The following FAM83E variants were observed in gnomAD, a reference collection of about 807,000 sequenced individuals.
The protein encoded by FAM83E is protein FAM83E.
FAM83E carries 29 observed loss-of-function variants against 34.3 expected under a neutral mutation model. That is an observed-to-expected ratio of 0.85 (90% CI 0.63 to 1.15). FAM83E has a LOEUF of 1.15. Ranked by LOEUF, FAM83E falls within the 50% of genes most tolerant of loss-of-function variation. The pLI is 0.00. For synonymous variants in FAM83E, 312 were observed against 311.6 expected (o/e 1.00, Z -0.01); for missense variants, 697 against 685.0 (o/e 1.02, Z -0.20).
Position 48,613,276 on chromosome 19 carries a change from G to C in FAM83E, c.97C>G (p.Leu33Val). 6.2e-7 allele frequency: 1 copy of C among 1,609,386 alleles called. No individual in the cohort carries two copies. Among genetic ancestry groups the C allele is most frequent in the Non-Finnish European group, 8.5e-7 (1 of 1,179,634 alleles). Reference protein sequence around the residue: ...PGFLYSEGQRLALEALLSKGA... With the variant: ...PGFLYSEGQRVALEALLSKGA... ...TTGCTCAACAGAGCCTCCAGTGCCA[G>C]CCGCTGGCCCTCGGAATATAGAAAG... Residue 33 changes from leucine (L) to valine (V), a missense_variant, in exon 3 of 7, where the codon CTG (leucine) becomes GTG (valine). Physicochemically the swap from Leu to Val is conservative, Grantham distance 32 (BLOSUM62 1). Transcript: ENST00000263266.
At chr19:48,605,870 T>A (rs1973919072) in intron 5 of FAM83E, among the ~76,000 whole-genome samples, 2 of 151,782 alleles carry the variant, frequency 1.3e-5, no homozygotes, top group African/African-American at 4.8e-5. Flanking sequence ...AAATAAAAAA[T>A]AAAATTAAGA....
intron 5 of FAM83E, chr19:48,606,810 G>A (rs141018754): frequency 3.8e-4 from 295 of 766,476 alleles, no homozygotes; most frequent in Non-Finnish European, 4.6e-4. Context: ...TTAGAGGGAC[G>A]CAGGGCGTTG....
intron 6 of FAM83E, among the ~76,000 whole-genome samples, chr19:48,602,699 AAAAAAATAT>A (rs1161208302): frequency 1.2e-4 from 5 of 40,352 alleles, no homozygotes; most frequent in African/African-American, 4.7e-4. Context: ...AAAAAAAAAA[AAAAAAATAT>A]ATATATATAT....
At position 48,603,560 on chromosome 19, in the gene FAM83E, G is replaced by C; in HGVS notation, c.1110C>G (p.Pro370=). Residue 370 remains proline, a synonymous_variant, in exon 6 of 7, where the codon CCC becomes CCG. Coordinates refer to ENST00000263266, the MANE Select transcript of FAM83E (RefSeq NM_017708.4). ...GGCTTAGGTCCCACATGGAGCGGCT[G>C]GGCCGGGCCGGGGGGCCGCTGGGGG... The part of the protein sequence containing the change: ...ARTPSGPPAR[P]SRSMWDLSRL... 1 of 1,560,900 alleles carries C rather than the reference G, an allele frequency of 6.4e-7. No individual in the cohort carries two copies. Among genetic ancestry groups the C allele is most frequent in the Non-Finnish European group, 8.6e-7 (1 of 1,162,126 alleles).
intron 6 of FAM83E, among the ~76,000 whole-genome samples, chr19:48,602,125 G>C (rs1044250384): frequency 5.2e-5 from 6 of 114,766 alleles, no homozygotes; most frequent in African/African-American, 2.0e-4. Context: ...CTGGGAGACA[G>C]AGCGAGACCC....
intron 5 of FAM83E, 42 bp from the exon 6 acceptor site, chr19:48,603,953 GGGCCCAGCCC>G (rs1394390302): frequency 1.9e-6 from 3 of 1,570,844 alleles, no homozygotes; most frequent in Non-Finnish European, 1.7e-6. Context: ...CCAACCCTGA[GGGCCCAGCCC>G]GGCCCCCATC....
Position 48,613,384 on chromosome 19 carries a change from G to A in FAM83E, c.-12C>T. On this transcript the variant is annotated 5_prime_UTR_variant, in exon 3 of 7. Coordinates refer to ENST00000263266, the MANE Select transcript of FAM83E (RefSeq NM_017708.4). ...TGGGAGGCCGCCATCGGGGTCACTC[G>A]GGTGGGAGGACTGACTGTGAGAGGC... 4.6e-6 allele frequency: 7 copies of A among 1,530,704 alleles called. No individual in the cohort carries two copies. Among genetic ancestry groups the A allele is most frequent in the East Asian group, 2.4e-5 (1 of 42,220 alleles). 94.8% of individuals were successfully genotyped at this position (1,530,704 alleles called of 1,614,324 possible).
Position 48,613,127 on chromosome 19 carries a change from G to A in FAM83E, c.246C>T (p.Ser82=), listed in dbSNP as rs764783136. 6 of 1,611,400 alleles carry A rather than the reference G, an allele frequency of 3.7e-6. No individual in the cohort carries two copies. The highest frequency in any genetic ancestry group is 2.7e-5 in the African/African-American group (2 of 74,932). Residue 82 remains serine, a synonymous_variant, in exon 3 of 7, where the codon AGC becomes AGT. Transcript: ENST00000263266. ...EDWTVAKQEP[S]GMAEGATTTD... is the part of the protein sequence containing the mutation. The stretch of plus-strand genomic sequence containing the variant: ...TGGTGGTGGCTCCCTCTGCCATCCC[G>A]CTGGGCTCCTGCTTGGCCACTGTCC...
At chr19:48,612,529 C>T (rs7253314) in intron 3 of FAM83E, among the ~76,000 whole-genome samples, 1 of 151,900 alleles carries the variant, frequency 6.6e-6, no homozygotes. Flanking sequence ...CTCAGCCTCC[C>T]GAGTAGCTGG....
chr19:48,612,919 C>T lies in FAM83E; in HGVS notation c.454G>A (p.Ala152Thr), dbSNP rs918759380. ...CCCGCGACACCCACCTTGTGGGCAGCCTGGATCTCCAGCCGCACCAGCTCC... is the reference window on the plus strand; with the variant it reads ...CCCGCGACACCCACCTTGTGGGCAGTCTGGATCTCCAGCCGCACCAGCTCC... ...LKELVRLEIQ[A>T]AHKLVAVVMD... Residue 152 changes from alanine to threonine, a missense_variant, in exon 3 of 7, where the codon GCT becomes ACT. Transcript: ENST00000263266. The T allele has an allele frequency of 4.3e-5, 67 of 1,550,832 alleles. No individual in the cohort carries two copies. The highest frequency in any genetic ancestry group is 5.4e-5 in the Non-Finnish European group (62 of 1,144,386).
At chr19:48,610,639 G>C in intron 4 of FAM83E, 41 bp downstream of exon 4, 1 of 1,537,254 alleles carries the variant, frequency 6.5e-7, no homozygotes, top group Non-Finnish European at 8.8e-7. Flanking sequence ...CCCCATGCCA[G>C]GGGAATGGGG....
intron 5 of FAM83E, among the ~76,000 whole-genome samples, chr19:48,604,729 A>C (rs1353463875): frequency 5.6e-5 from 5 of 88,500 alleles, no homozygotes; most frequent in East Asian, 4.7e-4. Flanking sequence ...CCCCCCTCCC[A>C]AAAAAAAAAA....
At chr19:48,609,804 T>C in intron 5 of FAM83E, 72 bp downstream of exon 5, 1 of 1,510,196 alleles carries the variant, frequency 6.6e-7, no homozygotes, top group Middle Eastern at 2.2e-4. Flanking sequence ...GGATGCCAGC[T>C]GTTCTCTGAG....
rs1344736408 is a variant in FAM83E, at chr19:48,614,692, C to T, written c.-1256+16G>A. The T allele has an allele frequency of 1.1e-5, 11 of 985,476 alleles. No individual in the cohort carries two copies. Among genetic ancestry groups the T allele is most frequent in the Non-Finnish European group, 1.3e-5 (11 of 830,136 alleles). 61.0% of individuals were successfully genotyped at this position (985,476 alleles called of 1,614,324 possible). On this transcript the variant is annotated intron_variant, in intron 2 of 6. Coordinates refer to ENST00000263266, the MANE Select transcript of FAM83E (RefSeq NM_017708.4). ...CCGCCCCACCCTCACCCATCCCCCC[C>T]ATCGCCGGGGCTCACCCACACCGGC... is the stretch of plus-strand genomic sequence containing the variant.
At position 48,614,075 on chromosome 19, in the gene FAM83E, G is replaced by C; in HGVS notation, c.-703C>G. The C allele has an allele frequency of 1.0e-6, 1 of 985,638 alleles. No homozygotes were observed. Among genetic ancestry groups the C allele is most frequent in the Non-Finnish European group, 1.2e-6 (1 of 830,128 alleles). 61.1% of individuals were successfully genotyped at this position (985,638 alleles called of 1,614,324 possible). A position where few individuals can be genotyped will look rare whatever the true frequency, so the allele number is the denominator to read the frequency against. On this transcript the variant is annotated 5_prime_UTR_variant, in exon 3 of 7. Coordinates refer to ENST00000263266, the MANE Select transcript of FAM83E (RefSeq NM_017708.4). ...TCCTGCTCATCAGCTCTCACCCGCA[G>C]ACCAGCCAGGATGCCTCTCCACTGG...
intron 5 of FAM83E, among the ~76,000 whole-genome samples, chr19:48,609,475 G>A (rs886409581): frequency 4.0e-5 from 6 of 151,854 alleles, no homozygotes; most frequent in Non-Finnish European, 7.4e-5. Flanking sequence ...CAATCTGCCC[G>A]CCTCAGCCTC....
chr19:48,610,827 G>A lies in FAM83E; in HGVS notation c.486C>T (p.Asp162=), dbSNP rs1167259569. The stretch of plus-strand genomic sequence containing the variant: ...AAAGCAGGTCTGGGTCAGTGAAGAC[G>A]TCCATGACCACGGCCACCAGCTGGG... ...AAHKLVAVVM[D]VFTDPDLLLD... The change falls in exon 4 of 7, where the codon GAC becomes GAT. Residue 162 remains aspartate, a synonymous_variant. Coordinates refer to ENST00000263266, the MANE Select transcript of FAM83E (RefSeq NM_017708.4). The A allele has an allele frequency of 2.4e-5, 38 of 1,595,056 alleles. No individual in the cohort carries two copies. The highest frequency in any genetic ancestry group is 2.9e-5 in the Non-Finnish European group (34 of 1,170,978).
intron 5 of FAM83E, among the ~76,000 whole-genome samples, chr19:48,606,065 C>A (rs746751921): frequency 6.6e-6 from 1 of 151,712 alleles, no homozygotes; most frequent in Non-Finnish European, 1.5e-5. Context: ...AATCCCAGCA[C>A]TTTGGGAGGT....
chr19:48,606,926 G>A lies in FAM83E; in HGVS notation c.758+2950C>T, dbSNP rs555621778. 35 of 1,580,256 alleles carry A rather than the reference G, an allele frequency of 2.2e-5. No individual in the cohort carries two copies. The East Asian group carries it at 6.3e-4, about 28-fold the overall frequency. ...GGTCCTTCATTCAGCGGTTCCGGGA[G>A]GTCTGGGAAGCCCACGGCCTGGCTG... On this transcript the variant is annotated intron_variant, in intron 5 of 6. Transcript: ENST00000263266.
Sources: gnomAD v4.1 joint callset for allele counts (sites outside exome capture counted in the v4.1 genomes callset) on GRCh38, gnomAD v4.1.1 for gene constraint, MANE v1.5 for transcripts, NCBI Gene and HGNC (gene_info 2026-07-23, HGNC 2026-07-21) for gene names.